LRRC8C: variants seen among roughly 807,000 people sequenced by gnomAD.
The protein encoded by LRRC8C is volume-regulated anion channel subunit LRRC8C.
In LRRC8C, 20 loss-of-function variants were observed where a neutral mutation model predicts 55.3. The ratio of observed to expected loss-of-function variants is 0.36; its 90% CI spans 0.25 to 0.53. LRRC8C has a LOEUF of 0.53. Among genes scored for constraint, LRRC8C ranks in the 20% least tolerant of loss-of-function variants. The pLI is 0.92. For missense variants in LRRC8C, 659 were observed against 951.4 expected, an observed-to-expected ratio of 0.69 and a Z score of 4.04; for synonymous variants, 376 against 360.7, an observed-to-expected ratio of 1.04 and a Z score of -0.48.
intron 1 of LRRC8C, among the ~76,000 whole-genome samples, chr1:89,666,294 T>C (rs753625200): frequency 6.6e-6 from 1 of 152,102 alleles, no homozygotes; most frequent in Non-Finnish European, 1.5e-5. Flanking sequence ...GGAAAAAACA[T>C]GATACTGTTA....
chr1:89,700,262 C>T (rs112017046), intron 2 of LRRC8C, among the ~76,000 whole-genome samples: 2,542 of 152,252 alleles, frequency 0.017, 71 homozygotes, highest in African/African-American at 0.058. Flanking sequence ...AGTGAAGTTC[C>T]TTCTACTCCG....
intron 2 of LRRC8C, among the ~76,000 whole-genome samples, chr1:89,690,802 GC>G (rs1296417192): frequency 6.6e-6 from 1 of 152,088 alleles, no homozygotes; most frequent in Non-Finnish European, 1.5e-5. Flanking sequence ...CCGCTGACCA[GC>G]CTTCTCAGCA....
At chr1:89,659,223 T>C (rs957239345) in intron 1 of LRRC8C, among the ~76,000 whole-genome samples, 3 of 152,026 alleles carry the variant, frequency 2.0e-5, no homozygotes, top group Admixed American at 6.6e-5. Flanking sequence ...TATCCCAGTT[T>C]TTATGAAACA....
At chr1:89,712,603 G>A in intron 2 of LRRC8C, 106 bp from the exon 3 acceptor site, 8 of 746,546 alleles carry the variant, frequency 1.1e-5, no homozygotes, top group Non-Finnish European at 1.8e-5. Flanking sequence ...TCTCCAGGCA[G>A]AGGAAATGGA....
chr1:89,674,663 T>C (rs1456421904), intron 1 of LRRC8C, among the ~76,000 whole-genome samples: 1 of 152,108 alleles, frequency 6.6e-6, no homozygotes, highest in Non-Finnish European at 1.5e-5. Flanking sequence ...ACTGAGCTCA[T>C]CCAACAGGAA....
chr1:89,646,766 T>C (rs1186919719), intron 1 of LRRC8C, among the ~76,000 whole-genome samples: 2 of 152,040 alleles, frequency 1.3e-5, no homozygotes, highest in African/African-American at 4.8e-5. Context: ...GTGATAAGGA[T>C]GAAAAAAATT....
upstream of LRRC8C, chr1:89,632,603 G>T (rs1405786430): frequency 6.6e-6 from 1 of 152,378 alleles, no homozygotes; most frequent in Non-Finnish European, 1.5e-5. Flanking sequence ...CCTGGCCTTC[G>T]GAGGAGTTCC....
At chr1:89,637,428 A>G (rs1656320338) in intron 1 of LRRC8C, among the ~76,000 whole-genome samples, 1 of 151,246 alleles carries the variant, frequency 6.6e-6, no homozygotes, top group African/African-American at 2.4e-5. Context: ...GACTTCAGAG[A>G]GAGAATTAGC....
At chr1:89,699,553 AGT>A (rs1220507599) in intron 2 of LRRC8C, among the ~76,000 whole-genome samples, 1 of 152,222 alleles carries the variant, frequency 6.6e-6, no homozygotes, top group Non-Finnish European at 1.5e-5. Context: ...AAATTTAAAA[AGT>A]CTTTTTAAAA....
chr1:89,713,297 G>A lies in LRRC8C; in HGVS notation c.727G>A (p.Glu243Lys). 2 of 1,614,244 alleles carry A rather than the reference G, an allele frequency of 1.2e-6. No individual in the cohort carries two copies. Among genetic ancestry groups the A allele is most frequent in the Non-Finnish European group, 1.7e-6 (2 of 1,180,030 alleles). Residue 243 changes from glutamate to lysine, a missense_variant, in exon 3 of 3, where the codon GAG (glutamate) becomes AAG (lysine). Physicochemically the swap from Glu to Lys is moderately conservative, Grantham distance 56 (BLOSUM62 1). Around this residue, in one of 5 missense-constraint regions of LRRC8C, gnomAD observed 200 missense variants for 360.5 expected, o/e 0.55. Transcript: ENST00000370454. The surrounding 1 kb of genome is among the most constrained non-coding windows in gnomAD (Gnocchi z 5.2). The stretch of plus-strand genomic sequence containing the variant: ...AGGTGAGCAGGCTAAGGCCTTATTT[G>A]AGAAGGTGAAGAAGTTCAGGCTGCA... The part of the protein sequence containing the change: ...KEGEQAKALF[E>K]KVKKFRLHVE...
intron 1 of LRRC8C, among the ~76,000 whole-genome samples, chr1:89,635,518 T>A (rs1163942703): frequency 6.6e-6 from 1 of 152,212 alleles, no homozygotes; most frequent in African/African-American, 2.4e-5. Context: ...GGCTGAAGAC[T>A]ATGCAGCTAA....
chr1:89,631,692 C>T (rs181446324), upstream of LRRC8C: 42 of 152,086 alleles, frequency 2.8e-4, no homozygotes, highest in East Asian at 8.1e-3. Flanking sequence ...AGGAGGTAAG[C>T]CCGGACCTAA....
chr1:89,690,733 A>T (rs991116704), intron 2 of LRRC8C, among the ~76,000 whole-genome samples: 1 of 152,184 alleles, frequency 6.6e-6, no homozygotes, highest in African/African-American at 2.4e-5. Context: ...GGTCAGAATC[A>T]TCTTCCTGCA....
chr1:89,623,976 G>A, the LRRC8C span, among the ~76,000 whole-genome samples: 2 of 152,054 alleles, frequency 1.3e-5, no homozygotes, highest in Non-Finnish European at 2.9e-5. Context: ...AAAAGTCCTG[G>A]GTCAGAGACA....
chr1:89,661,830 A>G (rs998395477), intron 1 of LRRC8C, among the ~76,000 whole-genome samples: 2 of 152,162 alleles, frequency 1.3e-5, no homozygotes, highest in Non-Finnish European at 2.9e-5. Flanking sequence ...GTGATATTAA[A>G]TTGGCTTTGC....
At chr1:89,685,808 G>T (rs1158188284) in intron 1 of LRRC8C, among the ~76,000 whole-genome samples, 2 of 128,934 alleles carry the variant, frequency 1.6e-5, no homozygotes, top group African/African-American at 2.6e-5. Flanking sequence ...AGTGAAATGT[G>T]AGAAGTACAG....
At chr1:89,660,954 A>G (rs115531879) in intron 1 of LRRC8C, among the ~76,000 whole-genome samples, 2,757 of 152,336 alleles carry the variant, frequency 0.018, 69 homozygotes, top group African/African-American at 0.054. Context: ...ACTGAAGTCT[A>G]TCCATGGACA....
intron 1 of LRRC8C, among the ~76,000 whole-genome samples, chr1:89,646,905 G>T (rs370156637): frequency 6.6e-6 from 1 of 152,084 alleles, no homozygotes; most frequent in East Asian, 1.9e-4. Flanking sequence ...ACTTGTAATC[G>T]ACATGAAGAT....
chr1:89,671,876 C>T (rs1010823917), intron 1 of LRRC8C, among the ~76,000 whole-genome samples: 1 of 152,144 alleles, frequency 6.6e-6, no homozygotes. Context: ...GATTTTCACA[C>T]ATACCGTACA....
Sources: gnomAD v4.1 joint callset for allele counts (sites outside exome capture counted in the v4.1 genomes callset) on GRCh38, gnomAD v4.1.1 for gene constraint, gnomAD v4.1.1 regional missense constraint, Gnocchi (gnomAD v3.1) non-coding constraint, MANE v1.5 for transcripts, NCBI Gene and HGNC (gene_info 2026-07-23, HGNC 2026-07-21) for gene names.